MTERF4: variants seen among roughly 807,000 people sequenced by gnomAD.
MTERF4 encodes mitochondrial transcription termination factor 4.
A neutral mutation model predicts 22.5 loss-of-function variants in MTERF4; 17 were observed. The ratio of observed to expected loss-of-function variants is 0.75; its 90% confidence interval spans 0.52 to 1.13. The LOEUF (loss-of-function observed/expected upper bound fraction) is 1.13, where lower values mean the gene tolerates loss of function less well. MTERF4 is among the 50% of genes most tolerant of loss of function. The probability of loss-of-function intolerance (pLI) is 0.00; values close to 1 mark genes in which losing one functional copy is unlikely to be tolerated. For missense variants in MTERF4, 420 were observed against 466.8 expected (o/e 0.90, Z 0.92); for synonymous variants, 165 against 175.3 (o/e 0.94, Z 0.47).
At chr2:241,065,497 C>A in the MTERF4 span, 6 of 1,612,728 alleles carry the variant, frequency 3.7e-6, no homozygotes, top group Non-Finnish European at 5.1e-6. Flanking sequence ...CAGGCCCTGG[C>A]GGCCGGCAGG....
chr2:241,070,874 G>A (rs2062676334), downstream of MTERF4, among the ~76,000 whole-genome samples: 1 of 152,246 alleles, frequency 6.6e-6, no homozygotes, highest in South Asian at 2.1e-4. Context: ...ACAGAGCAGA[G>A]CAGTGCGCGG....
chr2:241,048,559 G>C, the MTERF4 span: 3 of 1,495,384 alleles, frequency 2.0e-6, no homozygotes, highest in South Asian at 3.7e-5. Context: ...CGCGTCCACT[G>C]CAATTTGTAT....
In MTERF4 at chr2:241,095,951, C is replaced by T. The variant is rs745592689; in HGVS notation, c.*47G>A. ...CCAAAAGCTTTAAGAGAATGAAAAG[C>T]TTCCTTGATATCTCTGGGCCCTTTC... On this transcript the variant is annotated 3_prime_UTR_variant, in exon 4 of 4. Transcript: ENST00000391980. 1.3e-6 allele frequency: 2 copies of T among 1,565,544 alleles called. No homozygotes were observed. Among genetic ancestry groups the T allele is most frequent in the South Asian group, 1.2e-5 (1 of 82,878 alleles).
chr2:241,069,846 G>C, downstream of MTERF4: 1 of 1,531,240 alleles, frequency 6.5e-7, no homozygotes, highest in South Asian at 1.2e-5. This position sits in a 1 kb window ranked among gnomAD's most constrained non-coding sequence, Gnocchi z 4.9. Flanking sequence ...GCCCATGTCC[G>C]GTTCTCAAAC....
chr2:241,082,304 C>G, downstream of MTERF4: 1 of 1,613,558 alleles, frequency 6.2e-7, no homozygotes, highest in Non-Finnish European at 8.5e-7. Flanking sequence ...CGCCCCTGCA[C>G]AAGGCTGTTC....
At chr2:241,063,809 G>T in the MTERF4 span, 1 of 892,744 alleles carries the variant, frequency 1.1e-6, no homozygotes, top group Non-Finnish European at 1.7e-6. Context: ...CCTGGGGAGA[G>T]GGACCCCCAG....
chr2:241,046,655 C>G, the MTERF4 span, among the ~76,000 whole-genome samples: 3 of 152,138 alleles, frequency 2.0e-5, no homozygotes, highest in African/African-American at 4.8e-5. Context: ...AACAGGAGCT[C>G]TGTGACTCTG....
At chr2:241,053,160 C>A in the MTERF4 span, 1 of 1,609,804 alleles carries the variant, frequency 6.2e-7, no homozygotes, top group Non-Finnish European at 8.5e-7. Flanking sequence ...CAGAGGTGGA[C>A]TGCGGCCCCC....
At chr2:241,078,002 T>C (rs1018188989) in intron 4 of MTERF4, among the ~76,000 whole-genome samples, 4 of 152,124 alleles carry the variant, frequency 2.6e-5, no homozygotes, top group African/African-American at 9.7e-5. Context: ...TGAAAACCTA[T>C]GTCCACATGA....
the MTERF4 span, among the ~76,000 whole-genome samples, chr2:241,046,037 A>G: frequency 6.6e-6 from 1 of 152,212 alleles, no homozygotes; most frequent in Non-Finnish European, 1.5e-5. Flanking sequence ...ACATATATGG[A>G]GGTGAATAAA....
chr2:241,089,646 A>G (rs1034565054), downstream of MTERF4, among the ~76,000 whole-genome samples: 2 of 152,122 alleles, frequency 1.3e-5, no homozygotes, highest in African/African-American at 4.8e-5. Context: ...TCCCGCTCCC[A>G]CCTCACCCTC....
Position 241,102,241 on chromosome 2 carries a change from G to C in MTERF4, c.21+12C>G. ...CGACCCGGAGAAGCCCGCGCGCCCA[G>C]CTCGAGCTTACCTGACGGCCGAACG... On this transcript the variant is annotated intron_variant, in intron 1 of 3. Transcript: ENST00000391980. 1 of 1,549,190 alleles carries C rather than the reference G, an allele frequency of 6.5e-7. No homozygotes were observed. Among genetic ancestry groups the C allele is most frequent in the South Asian group, 1.2e-5 (1 of 84,016 alleles).
rs1382283436 is a variant in MTERF4 at position 241,073,375 on chromosome 2, A to T, written n.2787T>A. On this transcript the variant is annotated non_coding_transcript_exon_variant, in exon 5 of 5. Coordinates refer to the MTERF4 transcript ENST00000464344. This position sits in a 1 kb window ranked among gnomAD's most constrained non-coding sequence, Gnocchi z 6.6. ...GCAAGGACATCGGAAGTGAGTCAGCAGCGCTGGTGGGGACTTTGGGACTGA... is the reference window on the plus strand; with the variant it reads ...GCAAGGACATCGGAAGTGAGTCAGCTGCGCTGGTGGGGACTTTGGGACTGA... 1.9e-6 allele frequency: 3 copies of T among 1,557,156 alleles called. No homozygotes were observed. The South Asian group carries it at 3.6e-5, about 18-fold the overall frequency.
chr2:241,080,324 T>G (rs995476376), intron 4 of MTERF4, among the ~76,000 whole-genome samples: 2 of 152,204 alleles, frequency 1.3e-5, no homozygotes, highest in African/African-American at 4.8e-5. Context: ...TTGATTCTGT[T>G]AATTTGAAAT....
rs954660690 is a variant in MTERF4, at chr2:241,096,048, C to T, written c.1096G>A (p.Asp366Asn). 6 of 1,613,876 alleles carry T rather than the reference C, an allele frequency of 3.7e-6. No individual in the cohort carries two copies. Among genetic ancestry groups the T allele is most frequent in the East Asian group, 2.2e-5 (1 of 44,876 alleles). ...TCCTCATCATTGTCCTCCGCCTCGT[C>T]GTCGTCCTCATCATCGTCATCCTCA... Reference protein sequence around the residue: ...NDEDDDDEDDDEAEDNDEDED... With the variant: ...NDEDDDDEDDNEAEDNDEDED... The change falls in exon 4 of 4, where the codon GAC (aspartate) becomes AAC (asparagine). Residue 366 changes from aspartate to asparagine, a missense_variant. Transcript: ENST00000391980. The surrounding 1 kb of genome is among the most constrained non-coding windows in gnomAD (Gnocchi z 5.1).
Position 241,102,287 on chromosome 2 carries a change from T to C in MTERF4, c.-14A>G, listed in dbSNP as rs766935642. The C allele has an allele frequency of 5.2e-5, 80 of 1,548,482 alleles. No homozygotes were observed. The highest frequency in any genetic ancestry group is 1.7e-4 in the Middle Eastern group (1 of 6,008). On this transcript the variant is annotated 5_prime_UTR_variant, in exon 1 of 4. Coordinates refer to ENST00000391980, the MANE Select transcript of MTERF4 (RefSeq NM_182501.4). ...GAACGCAGCCATAGCGCGGAGAAGA[T>C]GGCAGCAGTTACGGCGCCGGAAGCA...
the MTERF4 span, chr2:241,048,939 G>A: frequency 7.5e-7 from 1 of 1,330,070 alleles, no homozygotes; most frequent in Non-Finnish European, 1.1e-6. Flanking sequence ...ACTGGGTCTT[G>A]GGAGGCCCCA....
chr2:241,076,948 G>A (rs891640721), intron 4 of MTERF4, among the ~76,000 whole-genome samples: 1 of 152,166 alleles, frequency 6.6e-6, no homozygotes, highest in Non-Finnish European at 1.5e-5. Context: ...GCATGGTGGC[G>A]GGCGCCTGTG....
In MTERF4 at chr2:241,073,938, T is replaced by C. The variant is rs74514474; in HGVS notation, n.2224A>G. The C allele has an allele frequency of 6.0e-3, 953 of 157,798 alleles. 3 individuals carry two copies. The highest frequency in any genetic ancestry group is 9.5e-3 in the Non-Finnish European group (682 of 71,760). 9.8% of individuals were successfully genotyped at this position (157,798 alleles called of 1,614,324 possible). A position where few individuals can be genotyped will look rare whatever the true frequency, so the allele number is the denominator to read the frequency against. ...ACCTGCAGTAAGAGTTCCCAGACGC[T>C]CACGAGGCAGTTCCCCTTCGGGCAG... On this transcript the variant is annotated non_coding_transcript_exon_variant, in exon 5 of 5. Coordinates refer to the MTERF4 transcript ENST00000464344. This position sits in a 1 kb window ranked among gnomAD's most constrained non-coding sequence, Gnocchi z 6.6.
Sources: gnomAD v4.1 joint callset for allele counts (sites outside exome capture counted in the v4.1 genomes callset) on GRCh38, gnomAD v4.1.1 for gene constraint, Gnocchi (gnomAD v3.1) non-coding constraint, MANE v1.5 for transcripts, NCBI Gene and HGNC (gene_info 2026-07-23, HGNC 2026-07-21) for gene names.